The following ME2 variants were observed in gnomAD, a reference collection of about 807,000 sequenced individuals.
ME2 encodes the protein malic enzyme 2.
Under a neutral mutation model 73.7 loss-of-function variants are expected in ME2, and 60 were observed. The observed-to-expected ratio is 0.81, with a 90% CI of 0.66 to 1.01. ME2 has a LOEUF of 1.01. Among genes scored for constraint, ME2 ranks in the 50% least tolerant of loss-of-function variants. ME2 has a pLI of 0.00. For missense variants in ME2, 594 were observed against 705.5 expected (o/e 0.84, Z 1.79); for synonymous variants, 199 against 236.9 (o/e 0.84, Z 1.47).
intron 12 of ME2, among the ~76,000 whole-genome samples, chr18:50,926,241 A>G (rs1188338397): frequency 6.6e-6 from 1 of 152,188 alleles, no homozygotes; most frequent in Non-Finnish European, 1.5e-5. Flanking sequence ...GCTTCTACCT[A>G]GGATCATTTT....
intron 7 of ME2, 145 bp downstream of exon 7, chr18:50,918,358 G>T (rs1161984514): frequency 1.9e-6 from 1 of 529,662 alleles, no homozygotes; most frequent in Non-Finnish European, 3.4e-6. Context: ...TGTTCTGCCT[G>T]GCTGTTTCTG....
At chr18:50,933,762 C>T (rs984462005) in intron 13 of ME2, 9 of 151,898 alleles carry the variant, frequency 5.9e-5, no homozygotes, top group Admixed American at 3.9e-4. Context: ...TTTCATCACC[C>T]GGCTAATAAG....
chr18:50,946,777 G>T (rs1347570457), intron 15 of ME2, among the ~76,000 whole-genome samples: 40 of 152,156 alleles, frequency 2.6e-4, no homozygotes, highest in Non-Finnish European at 1.5e-5. Flanking sequence ...CATAGGCTGG[G>T]CAGGTTATCT....
rs1917285435 is a variant in ME2 at position 50,916,390 on chromosome 18, GATA to G, written c.468+151_468+153del. 6 of 574,226 alleles carry G rather than the reference GATA, an allele frequency of 1.0e-5. No individual in the cohort carries two copies. The South Asian group carries it at 1.5e-4, about 15-fold the overall frequency. The allele number at this position is 574,226 out of a possible 1,614,324, so 35.6% of individuals were successfully genotyped here. A position where few individuals can be genotyped will look rare whatever the true frequency, so the allele number is the denominator to read the frequency against. On this transcript the variant is annotated intron_variant, in intron 5 of 15. Coordinates refer to ENST00000321341, the MANE Select transcript of ME2 (RefSeq NM_002396.5). ...TTTAGTGCTTTGCAGCTGAAGTGAT[GATA>G]ATAGTAGTAGTTATAAAATGGGCTA...
At chr18:50,920,430 A>G (rs1261581254) in intron 7 of ME2, 26 bp from the exon 8 acceptor site, 1 of 1,450,284 alleles carries the variant, frequency 6.9e-7, no homozygotes, top group Admixed American at 2.0e-5. Context: ...TTTCAACACA[A>G]CTATTGTGGG....
chr18:50,901,819 G>A (rs1207767676), intron 2 of ME2, among the ~76,000 whole-genome samples: 1 of 152,144 alleles, frequency 6.6e-6, no homozygotes, highest in African/African-American at 2.4e-5. Context: ...GACCCAGTGG[G>A]CTAAAGGTAT....
Position 50,952,538 on chromosome 18 carries a change from A to G in ME2, c.*5354A>G, listed in dbSNP as rs896768780. On this transcript the variant is annotated 3_prime_UTR_variant, in exon 16 of 16. Transcript: ENST00000321341. Reference sequence around the variant, plus strand: ...TGCTTAGTGTCTTTTGGTAAACAGCATTTTGTCAACAAACTTTTCATATGG... The same window carrying G: ...TGCTTAGTGTCTTTTGGTAAACAGCGTTTTGTCAACAAACTTTTCATATGG... 5 of 152,202 alleles carry G rather than the reference A, an allele frequency of 3.3e-5. No homozygotes were observed. Among genetic ancestry groups the G allele is most frequent in the Non-Finnish European group, 7.3e-5 (5 of 68,028 alleles). 9.4% of individuals were successfully genotyped at this position (152,202 alleles called of 1,614,324 possible).
chr18:50,943,963 C>T (rs1005956716), intron 15 of ME2, among the ~76,000 whole-genome samples: 1 of 152,086 alleles, frequency 6.6e-6, no homozygotes, highest in Non-Finnish European at 1.5e-5. Context: ...CTCCTGTAAT[C>T]ACAGCACTTT....
intron 4 of ME2, chr18:50,915,838 C>T (rs1917271322): frequency 5.1e-6 from 1 of 195,094 alleles, no homozygotes. Context: ...CCTTGTACTG[C>T]TCTCCTGCAT....
chr18:50,932,227 C>A lies in ME2; in HGVS notation c.1315-31C>A, dbSNP rs755391277. 3.2e-6 allele frequency: 5 copies of A among 1,569,022 alleles called. No homozygotes were observed. In the African/African-American group the frequency reaches 6.8e-5, roughly 21 times the overall value. On this transcript the variant is annotated intron_variant, in intron 12 of 15. Coordinates refer to ENST00000321341, the MANE Select transcript of ME2 (RefSeq NM_002396.5). The stretch of plus-strand genomic sequence containing the variant: ...CAATTTTCTCATCCACAGAAAATAA[C>A]AAAATTGAAGTTATTTCATTTTATT...
At chr18:50,897,370 T>C (rs1363156976) in intron 2 of ME2, among the ~76,000 whole-genome samples, 2 of 152,178 alleles carry the variant, frequency 1.3e-5, no homozygotes, top group African/African-American at 4.8e-5. Context: ...ATAAAGTACA[T>C]TGAGTGTCAA....
intron 11 of ME2, among the ~76,000 whole-genome samples, chr18:50,925,427 T>C (rs549624786): frequency 6.6e-6 from 1 of 152,282 alleles, no homozygotes; most frequent in South Asian, 2.1e-4. Flanking sequence ...TGCAGTGAGC[T>C]GAGATTGTGC....
rs756837181 is a variant in ME2, at chr18:50,890,339, C to T, written c.-12-5470C>T. 3.9e-5 allele frequency among the ~76,000 whole-genome samples: 6 copies of T among 152,234 alleles called. No homozygotes were observed. In the South Asian group the frequency reaches 1.0e-3, roughly 26 times the overall value. Reference sequence around the variant, plus strand: ...ATGTTGCCCAGGCTAGTCTCGAACTCCTGAGCTCAAGTGATCCACCCATCT... The same window carrying T: ...ATGTTGCCCAGGCTAGTCTCGAACTTCTGAGCTCAAGTGATCCACCCATCT... On this transcript the variant is annotated intron_variant, in intron 1 of 15. Coordinates refer to ENST00000321341, the MANE Select transcript of ME2 (RefSeq NM_002396.5).
rs527624950 is a variant in ME2 at position 50,893,328 on chromosome 18, T to G, written c.-12-2481T>G. 5.3e-5 allele frequency among the ~76,000 whole-genome samples: 8 copies of G among 152,246 alleles called. No individual in the cohort carries two copies. In the East Asian group the frequency reaches 1.5e-3, roughly 29 times the overall value. ...AAACCTGAACACTTACTTTTCATCATGGTTATTTCTGCTACACTATTACGG... is the reference window on the plus strand; with the variant it reads ...AAACCTGAACACTTACTTTTCATCAGGGTTATTTCTGCTACACTATTACGG... On this transcript the variant is annotated intron_variant, in intron 1 of 15. Coordinates refer to ENST00000321341, the MANE Select transcript of ME2 (RefSeq NM_002396.5).
In ME2 at chr18:50,909,371, C is replaced by T. The variant is rs146773838; in HGVS notation, c.242+1175C>T. Among the ~76,000 whole-genome samples, 37 of 152,246 alleles carry T rather than the reference C, an allele frequency of 2.4e-4. No individual in the cohort carries two copies. The East Asian group carries it at 4.8e-3, about 20-fold the overall frequency. ...TTATTGGTCTCTAGACCACAATGTA[C>T]AGTACAATGAGAAAAAGGTACAAGC... is the stretch of plus-strand genomic sequence containing the variant. On this transcript the variant is annotated intron_variant, in intron 3 of 15. Transcript: ENST00000321341.
intron 2 of ME2, among the ~76,000 whole-genome samples, chr18:50,907,180 C>T (rs140300390): frequency 6.6e-6 from 1 of 152,252 alleles, no homozygotes; most frequent in Non-Finnish European, 1.5e-5. Flanking sequence ...AGGGAACCAC[C>T]AGACAGGTCA....
At chr18:50,879,968 A>G (rs1916273418) in intron 1 of ME2, among the ~76,000 whole-genome samples, 1 of 152,174 alleles carries the variant, frequency 6.6e-6, no homozygotes, top group Non-Finnish European at 1.5e-5. Context: ...TAGAAAATTT[A>G]CGTTGCTTGT....
chr18:50,943,413 C>A (rs550671184), intron 15 of ME2, among the ~76,000 whole-genome samples: 1 of 152,258 alleles, frequency 6.6e-6, no homozygotes, highest in South Asian at 2.1e-4. Context: ...GATCTTCCCA[C>A]CTCAGCCTCC....
chr18:50,910,076 G>A (rs1004673487), intron 3 of ME2, among the ~76,000 whole-genome samples: 2 of 152,010 alleles, frequency 1.3e-5, no homozygotes, highest in African/African-American at 4.8e-5. Flanking sequence ...GAAGGGCCAG[G>A]GTTGAGTAGA....
Sources: gnomAD v4.1 joint callset for allele counts (sites outside exome capture counted in the v4.1 genomes callset) on GRCh38, gnomAD v4.1.1 for gene constraint, MANE v1.5 for transcripts, NCBI Gene and HGNC (gene_info 2026-07-23, HGNC 2026-07-21) for gene names.